JDP2: variants seen among roughly 807,000 people sequenced by gnomAD.
JDP2 encodes the protein Jun dimerization protein 2.
Under a neutral mutation model 17.1 loss-of-function variants are expected in JDP2, and 9 were observed. The observed-to-expected ratio is 0.53, with a 90% CI of 0.32 to 0.92. The LOEUF (loss-of-function observed/expected upper bound fraction) is 0.92. JDP2 is among the 40% of genes least tolerant of loss of function. The pLI, the probability that JDP2 is intolerant of heterozygous loss-of-function variation, is 0.04. For missense variants in JDP2, 179 were observed against 220.0 expected (o/e 0.81, Z 1.18); for synonymous variants, 107 against 95.6 (o/e 1.12, Z -0.69).
intron 1 of JDP2, chr14:75,432,435 C>T (rs970602836): frequency 1.7e-6 from 2 of 1,208,576 alleles, no homozygotes; most frequent in South Asian, 1.3e-5. Context: ...TTCCCAGGCT[C>T]TGGCTCCCAA....
At chr14:75,464,827 C>T (rs1425818291) in intron 3 of JDP2, among the ~76,000 whole-genome samples, 1 of 152,226 alleles carries the variant, frequency 6.6e-6, no homozygotes, top group African/African-American at 2.4e-5. Context: ...CTGGGGCTGC[C>T]TCAGTACATC....
chr14:75,431,207 G>A (rs1337189368), intron 1 of JDP2, among the ~76,000 whole-genome samples: 2 of 152,208 alleles, frequency 1.3e-5, no homozygotes, highest in Non-Finnish European at 2.9e-5. Context: ...TTGCTGCCTG[G>A]GTTAAAGATT....
At chr14:75,461,596 G>A in intron 3 of JDP2, 66 bp downstream of exon 3, 2 of 1,248,730 alleles carry the variant, frequency 1.6e-6, no homozygotes, top group Non-Finnish European at 2.3e-6. Flanking sequence ...CTCTGGACCA[G>A]GAGAGGCCAT....
chr14:75,434,433 G>A (rs2242618), intron 1 of JDP2, among the ~76,000 whole-genome samples: 23,206 of 152,058 alleles, frequency 0.15, 1,992 homozygotes, highest in Middle Eastern at 0.23. Flanking sequence ...TTTGCAGGGG[G>A]AGGAAAGACA....
At position 75,469,283 on chromosome 14, in the gene JDP2, T is replaced by C; in HGVS notation, c.307-7T>C. On this transcript the variant is annotated splice_polypyrimidine_tract_variant and splice_region_variant and intron_variant, in intron 3 of 3. Coordinates refer to ENST00000651602, the MANE Select transcript of JDP2 (RefSeq NM_001135048.2). ...AACTCACAGCGTGCTTCTGTGTTGG[T>C]ATACAGGAATCCGAGCGGCTGGAAC... The C allele has an allele frequency of 6.2e-7, 1 of 1,612,858 alleles. No homozygotes were observed. Among genetic ancestry groups the C allele is most frequent in the Non-Finnish European group, 8.5e-7 (1 of 1,179,284 alleles).
At chr14:75,432,846 C>A (rs1260384161) in intron 1 of JDP2, among the ~76,000 whole-genome samples, 1 of 152,120 alleles carries the variant, frequency 6.6e-6, no homozygotes, top group Non-Finnish European at 1.5e-5. Flanking sequence ...CTAGCAAGAA[C>A]GGCCCTTGTA....
chr14:75,436,610 TTC>T (rs1302140322), intron 1 of JDP2, among the ~76,000 whole-genome samples: 1 of 152,252 alleles, frequency 6.6e-6, no homozygotes, highest in Non-Finnish European at 1.5e-5. Flanking sequence ...GACCTCCATA[TTC>T]CTAGTGCCTG....
intron 2 of JDP2, among the ~76,000 whole-genome samples, chr14:75,459,616 T>C (rs961635954): frequency 3.3e-5 from 5 of 152,240 alleles, no homozygotes; most frequent in African/African-American, 1.2e-4. Flanking sequence ...TCCTGGCCTA[T>C]AGCCCTTTGG....
chr14:75,441,118 C>T (rs190551777), intron 2 of JDP2, among the ~76,000 whole-genome samples: 123 of 150,342 alleles, frequency 8.2e-4, no homozygotes, highest in Non-Finnish European at 1.3e-3. Context: ...CTCCTAGTTC[C>T]GAGAGAGAGA....
intron 2 of JDP2, among the ~76,000 whole-genome samples, chr14:75,456,142 T>C (rs1886094795): frequency 6.6e-6 from 1 of 152,200 alleles, no homozygotes; most frequent in Non-Finnish European, 1.5e-5. Context: ...GGGAGGAATT[T>C]TGACAGATTC....
chr14:75,427,025 C>T (rs1884557359), upstream of JDP2: 1 of 152,254 alleles, frequency 6.6e-6, no homozygotes, highest in South Asian at 2.1e-4. This position sits in a 1 kb window ranked among gnomAD's most constrained non-coding sequence, Gnocchi z 4.4. Flanking sequence ...TCTAGGGAAC[C>T]CCGTTCTACC....
chr14:75,453,082 C>T (rs777607535), intron 2 of JDP2, among the ~76,000 whole-genome samples: 1 of 152,020 alleles, frequency 6.6e-6, no homozygotes, highest in Non-Finnish European at 1.5e-5. Flanking sequence ...CCTCATTCCT[C>T]CCTCCTGGAG....
intron 1 of JDP2, among the ~76,000 whole-genome samples, chr14:75,429,249 C>G (rs991892302): frequency 6.6e-6 from 1 of 152,188 alleles, no homozygotes; most frequent in African/African-American, 2.4e-5. Context: ...ATGGCGTGGC[C>G]CTTGCCCAGG....
At chr14:75,449,163 C>G (rs941370842) in intron 2 of JDP2, among the ~76,000 whole-genome samples, 1 of 152,134 alleles carries the variant, frequency 6.6e-6, no homozygotes, top group African/African-American at 2.4e-5. Flanking sequence ...AGCCACACAC[C>G]CTGCATACAG....
chr14:75,467,590 T>C (rs927519869), intron 3 of JDP2, among the ~76,000 whole-genome samples: 1 of 152,122 alleles, frequency 6.6e-6, no homozygotes, highest in African/African-American at 2.4e-5. Flanking sequence ...AACTAAGCCC[T>C]TGGGCTGGGG....
intron 2 of JDP2, among the ~76,000 whole-genome samples, chr14:75,460,345 G>A (rs1405184234): frequency 6.6e-6 from 1 of 152,202 alleles, no homozygotes; most frequent in Non-Finnish European, 1.5e-5. Context: ...AGCCAGATGA[G>A]GAGGCTGGGG....
chr14:75,460,922 G>A (rs1165195277), intron 2 of JDP2, among the ~76,000 whole-genome samples: 3 of 152,174 alleles, frequency 2.0e-5, no homozygotes, highest in Non-Finnish European at 2.9e-5. Context: ...AGTTCTGGAG[G>A]TTGTGAAGTC....
At chr14:75,461,316 G>A in intron 2 of JDP2, 110 bp from the exon 3 acceptor site, 2 of 757,758 alleles carry the variant, frequency 2.6e-6, no homozygotes, top group Non-Finnish European at 4.6e-6. Context: ...CTTGTTCACT[G>A]CCGAGATGTG....
rs868723657 is a variant in JDP2, at chr14:75,433,217, A to T, written c.-23-4681A>T. ...TCTCAAAAAAAAAAAAAAAAAAAAA[A>T]AAAAAAATGTAAGGGGTTAGGTTGG... On this transcript the variant is annotated intron_variant, in intron 1 of 3. Transcript: ENST00000651602. 1.8e-3 allele frequency among the ~76,000 whole-genome samples: 257 copies of T among 146,354 alleles called. 5 individuals carry two copies. The highest frequency in any genetic ancestry group is 6.2e-3 in the African/African-American group (246 of 39,602).
Sources: allele counts gnomAD v4.1 joint callset (sites outside exome capture counted in the v4.1 genomes callset), GRCh38; gene constraint gnomAD v4.1.1; non-coding constraint Gnocchi (gnomAD v3.1); transcripts MANE v1.5; gene names NCBI Gene and HGNC (gene_info 2026-07-23, HGNC 2026-07-21).